The following TSGA10 variants were observed in gnomAD, a reference collection of about 807,000 sequenced individuals.
TSGA10 encodes the protein testis-specific gene 10 protein.
TSGA10 carries 43 observed loss-of-function variants against 96.6 expected under a neutral mutation model. The observed-to-expected ratio is 0.44, with a 90% CI of 0.35 to 0.57. TSGA10 has a LOEUF of 0.57. TSGA10 is among the 20% of genes least tolerant of loss of function. The pLI is 0.01. For synonymous variants in TSGA10, 229 were observed against 269.9 expected (o/e 0.85, Z 1.48); for missense variants, 703 against 834.4 (o/e 0.84, Z 1.94).
intron 10 of TSGA10, among the ~76,000 whole-genome samples, chr2:99,103,043 CT>C (rs1156982550): frequency 1.3e-4 from 19 of 149,758 alleles, no homozygotes; most frequent in Admixed American, 1.3e-3. Context: ...CTTATACTGC[CT>C]TTTTTATAGC....
chr2:99,017,656 T>C (rs1228488847), intron 20 of TSGA10, among the ~76,000 whole-genome samples: 4 of 150,926 alleles, frequency 2.7e-5, no homozygotes, highest in African/African-American at 9.7e-5. Context: ...TCCCAGCTAC[T>C]TGGGAGGCTG....
At chr2:99,101,938 C>A in intron 10 of TSGA10, 1 of 690,580 alleles carries the variant, frequency 1.4e-6, no homozygotes, top group Non-Finnish European at 2.5e-6. Flanking sequence ...AGTTGTGCAA[C>A]ACGAAAAACT....
intron 7 of TSGA10, among the ~76,000 whole-genome samples, chr2:99,106,603 A>G (rs1468167472): frequency 1.3e-5 from 2 of 151,742 alleles, no homozygotes; most frequent in Non-Finnish European, 2.9e-5. Context: ...GTTCCTTACC[A>G]TCCATTCTAT....
intron 7 of TSGA10, 67 bp from the exon 8 acceptor site, chr2:99,105,764 T>C: frequency 7.3e-7 from 1 of 1,378,086 alleles, no homozygotes; most frequent in Non-Finnish European, 9.8e-7. Context: ...AAATTTTATG[T>C]ATCTAGCCAG....
At chr2:99,056,947 C>T (rs1186551987) in intron 16 of TSGA10, among the ~76,000 whole-genome samples, 7 of 151,416 alleles carry the variant, frequency 4.6e-5, no homozygotes, top group Non-Finnish European at 1.5e-5. Context: ...ATGTAATATA[C>T]TATATCTATA....
At chr2:99,120,455 A>T (rs1214169191) in intron 2 of TSGA10, among the ~76,000 whole-genome samples, 3 of 152,134 alleles carry the variant, frequency 2.0e-5, no homozygotes, top group Non-Finnish European at 4.4e-5. Flanking sequence ...CACCTGACTT[A>T]AGAAAAAAAA....
At chr2:99,000,343 CT>C (rs1454357945) in intron 20 of TSGA10, among the ~76,000 whole-genome samples, 1 of 113,992 alleles carries the variant, frequency 8.8e-6, no homozygotes, top group Non-Finnish European at 1.6e-5. Context: ...CCCGTCTCTA[CT>C]GAAAAAAAAA....
rs183711975 is a variant in TSGA10, at chr2:99,142,296, A to G, written c.-621+12397T>C. Reference sequence around the variant, plus strand: ...TCCTTTTCCTGCAGATGACATAGACACTAGGTTTTTACAGCAATTCTCTGA... The same window carrying G: ...TCCTTTTCCTGCAGATGACATAGACGCTAGGTTTTTACAGCAATTCTCTGA... On this transcript the variant is annotated intron_variant, in intron 1 of 20. Coordinates refer to ENST00000393483, the MANE Select transcript of TSGA10 (RefSeq NM_025244.4). The G allele has an allele frequency of 2.6e-5, 4 of 152,336 alleles. 1 individual carries two copies. The highest frequency in any genetic ancestry group is 2.6e-4 in the Admixed American group (4 of 15,306). 9.4% of individuals were successfully genotyped at this position (152,336 alleles called of 1,614,324 possible).
chr2:99,064,859 C>T, intron 16 of TSGA10, 80 bp downstream of exon 16: 1 of 1,204,160 alleles, frequency 8.3e-7, no homozygotes, highest in Non-Finnish European at 1.1e-6. Flanking sequence ...TTTGTTCATA[C>T]ATTTAATTTA....
At chr2:99,074,409 G>C (rs1025378321) in intron 12 of TSGA10, among the ~76,000 whole-genome samples, 3 of 147,470 alleles carry the variant, frequency 2.0e-5, no homozygotes, top group African/African-American at 7.5e-5. Context: ...TCTTCTCCAG[G>C]GTATTTTTAG....
At chr2:99,151,497 A>G (rs1400962628) in intron 1 of TSGA10, 1 of 150,634 alleles carries the variant, frequency 6.6e-6, no homozygotes, top group Non-Finnish European at 1.5e-5. Context: ...AGTCCAAGCA[A>G]TGTGACATCC....
intron 1 of TSGA10, among the ~76,000 whole-genome samples, chr2:99,148,642 C>T (rs1574770426): frequency 6.6e-6 from 1 of 152,124 alleles, no homozygotes; most frequent in Admixed American, 6.5e-5. Context: ...TCAAAGATAC[C>T]ACAGTAGGTA....
chr2:99,148,025 A>G (rs576738933), intron 1 of TSGA10, among the ~76,000 whole-genome samples: 2 of 152,350 alleles, frequency 1.3e-5, no homozygotes, highest in East Asian at 3.9e-4. Context: ...AGTACATTCC[A>G]TCCCCTTCCC....
chr2:99,018,116 T>C (rs548039780), intron 20 of TSGA10, 84 bp downstream of exon 20: 2 of 1,402,722 alleles, frequency 1.4e-6, no homozygotes, highest in East Asian at 2.3e-5. Context: ...AGATAGACTA[T>C]TGAGTTTCCT....
At chr2:99,021,692 T>C (rs1289910850) in intron 17 of TSGA10, among the ~76,000 whole-genome samples, 1 of 152,212 alleles carries the variant, frequency 6.6e-6, no homozygotes, top group South Asian at 2.1e-4. Context: ...GCCACCAGCA[T>C]TCCCCACTCT....
intron 1 of TSGA10, chr2:99,147,450 T>G: frequency 1.2e-6 from 2 of 1,613,804 alleles, no homozygotes; most frequent in Non-Finnish European, 1.7e-6. Context: ...AGGCCCCCAA[T>G]AGACTTGTTC....
At chr2:99,013,800 GA>G (rs2079230864) in intron 20 of TSGA10, among the ~76,000 whole-genome samples, 1 of 151,842 alleles carries the variant, frequency 6.6e-6, no homozygotes, top group Admixed American at 6.5e-5. Context: ...CGGATCACTT[GA>G]GGTCAGGAGT....
intron 20 of TSGA10, among the ~76,000 whole-genome samples, chr2:98,999,463 G>A (rs1240679390): frequency 6.6e-6 from 1 of 152,176 alleles, no homozygotes; most frequent in Admixed American, 6.5e-5. Context: ...CTGTTGTCTA[G>A]ATAATAGGTG....
rs1168401876 is a variant in TSGA10, at chr2:99,136,023, G to GAAAAAAAACA, written c.-620-8848_-620-8847insTGTTTTTTTT. On this transcript the variant is annotated intron_variant, in intron 1 of 20. Coordinates refer to ENST00000393483, the MANE Select transcript of TSGA10 (RefSeq NM_025244.4). ...AGACTTCGTACCAAAAAAAAAAAAG[G>GAAAAAAAACA]GTCTGCATCATAGAGTTGCGTGAGG... Among the ~76,000 whole-genome samples, 2 of 64,182 alleles carry GAAAAAAAACA rather than the reference G, an allele frequency of 3.1e-5. 1 individual carries two copies. The highest frequency in any genetic ancestry group is 8.0e-5 in the Non-Finnish European group (2 of 25,132). The allele number at this position is 64,182 out of a possible 152,430, so 42.1% of individuals were successfully genotyped here.
Sources: gnomAD v4.1 joint callset for allele counts (sites outside exome capture counted in the v4.1 genomes callset) on GRCh38, gnomAD v4.1.1 for gene constraint, MANE v1.5 for transcripts, NCBI Gene and HGNC (gene_info 2026-07-23, HGNC 2026-07-21) for gene names.